NDST4: variants seen among roughly 807,000 people sequenced by gnomAD.
NDST4 encodes N-deacetylase and N-sulfotransferase 4, also known as N-heparan sulfate sulfotransferase 4.
NDST4 carries 63 observed loss-of-function variants against 100.8 expected under a neutral mutation model. The observed-to-expected ratio is 0.62, with a 90% confidence interval of 0.51 to 0.77. The LOEUF is 0.77. Ranked by LOEUF, NDST4 falls within the 30% of genes least tolerant of loss-of-function variation. The pLI is 0.00. For synonymous variants in NDST4, 377 were observed against 361.8 expected (o/e 1.04, Z -0.48); for missense variants, 943 against 1,018.4 (o/e 0.93, Z 1.01).
At position 115,069,985 on chromosome 4, in the gene NDST4, A is replaced by G. The variant is rs763922980; in HGVS notation, c.978+6074T>C. Among the ~76,000 whole-genome samples the G allele has an allele frequency of 7.9e-5, 12 of 152,224 alleles. 1 individual carries two copies. Among genetic ancestry groups the G allele is most frequent in the Non-Finnish European group, 1.6e-4 (11 of 68,036 alleles). ...TATACTATTGGTTGGAATGTAAATT[A>G]GTCCAACCACTGGGGAAGACAGTGT... On this transcript the variant is annotated intron_variant, in intron 2 of 13. Coordinates refer to ENST00000264363, the MANE Select transcript of NDST4 (RefSeq NM_022569.3).
chr4:115,050,223 T>C (rs1728555105), intron 2 of NDST4, among the ~76,000 whole-genome samples: 1 of 152,144 alleles, frequency 6.6e-6, no homozygotes, highest in Non-Finnish European at 1.5e-5. Context: ...GTCTGTACTA[T>C]CTCAATGCCC....
At chr4:114,844,211 C>T (rs1418959186) in intron 10 of NDST4, among the ~76,000 whole-genome samples, 1 of 152,196 alleles carries the variant, frequency 6.6e-6, no homozygotes, top group Non-Finnish European at 1.5e-5. Flanking sequence ...GCAATAGCTT[C>T]AAGTGTGATT....
chr4:114,996,223 A>C lies in NDST4; in HGVS notation c.979-18949T>G, dbSNP rs115029998. 7.9e-3 allele frequency among the ~76,000 whole-genome samples: 1,196 copies of C among 152,126 alleles called. 11 individuals are homozygous for C. Among genetic ancestry groups the C allele is most frequent in the African/African-American group, 0.025 (1,052 of 41,496 alleles). ...TATGCCGTTCTTGTGATAGTGAGTG[A>C]GTTCTCAGATCTGATGGTTTTATAA... On this transcript the variant is annotated intron_variant, in intron 2 of 13. Coordinates refer to ENST00000264363, the MANE Select transcript of NDST4 (RefSeq NM_022569.3).
intron 6 of NDST4, among the ~76,000 whole-genome samples, chr4:114,908,886 G>A (rs897231743): frequency 1.2e-4 from 19 of 152,010 alleles, no homozygotes; most frequent in South Asian, 4.2e-4. Context: ...AAAATAAACC[G>A]TAAATTGGAA....
intron 2 of NDST4, 92 bp from the exon 3 acceptor site, chr4:114,977,366 A>G (rs13115130): frequency 5.7e-6 from 4 of 698,126 alleles, no homozygotes; most frequent in Non-Finnish European, 7.3e-6. Context: ...TGAGTAAAAC[A>G]AAATGATATG....
At chr4:114,960,366 G>T (rs1269213137) in intron 4 of NDST4, among the ~76,000 whole-genome samples, 1 of 151,638 alleles carries the variant, frequency 6.6e-6, no homozygotes, top group Admixed American at 6.6e-5. Flanking sequence ...CCAGCACTTT[G>T]GGAGGCCAAC....
intron 1 of NDST4, among the ~76,000 whole-genome samples, chr4:115,099,593 C>A (rs116839242): frequency 1.3e-5 from 2 of 151,886 alleles, no homozygotes; most frequent in South Asian, 2.1e-4. Context: ...TGGGGAGTTG[C>A]GAATTAAAGT....
At chr4:114,909,584 C>T (rs1462620986) in intron 6 of NDST4, among the ~76,000 whole-genome samples, 8 of 146,216 alleles carry the variant, frequency 5.5e-5, no homozygotes, top group South Asian at 2.2e-4. Context: ...GGCGTGAACC[C>T]GGGAAGCGGA....
intron 4 of NDST4, among the ~76,000 whole-genome samples, chr4:114,943,159 C>A (rs74832362): frequency 2.0e-3 from 293 of 149,338 alleles, no homozygotes; most frequent in African/African-American, 6.7e-3. Flanking sequence ...ATGTATTTCC[C>A]ATAAAATTCA....
In NDST4 at chr4:114,839,569, G is replaced by A. The variant is rs751231061; in HGVS notation, c.2116-21C>T. On this transcript the variant is annotated intron_variant, in intron 10 of 13. Transcript: ENST00000264363. ...TGGTGCTTTAACAAGAAAGTCAATT[G>A]TAAAGTTAGATTTTTTTTAATGCCT... 20 of 1,610,608 alleles carry A rather than the reference G, an allele frequency of 1.2e-5. No homozygotes were observed. The Admixed American group carries it at 3.3e-4, about 27-fold the overall frequency.
intron 1 of NDST4, among the ~76,000 whole-genome samples, chr4:115,098,096 A>G (rs970132602): frequency 6.6e-6 from 1 of 152,196 alleles, no homozygotes; most frequent in African/African-American, 2.4e-5. Context: ...CACCATATAC[A>G]TAATATTACA....
intron 7 of NDST4, among the ~76,000 whole-genome samples, chr4:114,865,619 C>A (rs528216866): frequency 6.6e-6 from 1 of 152,122 alleles, no homozygotes; most frequent in African/African-American, 2.4e-5. Flanking sequence ...ATTAAATGCT[C>A]AAATATATTT....
At chr4:114,920,413 C>A (rs1578389275) in intron 6 of NDST4, among the ~76,000 whole-genome samples, 1 of 152,036 alleles carries the variant, frequency 6.6e-6, no homozygotes, top group Admixed American at 6.6e-5. Flanking sequence ...ATCTTTTATT[C>A]ACTTTTGATT....
chr4:115,106,138 G>C (rs1052007590), intron 1 of NDST4, among the ~76,000 whole-genome samples: 2 of 152,032 alleles, frequency 1.3e-5, no homozygotes, highest in Admixed American at 6.6e-5. Flanking sequence ...AAAAATATCT[G>C]GTTCACCATG....
At chr4:114,892,674 A>G (rs1408928057) in intron 6 of NDST4, among the ~76,000 whole-genome samples, 1 of 152,146 alleles carries the variant, frequency 6.6e-6, no homozygotes, top group African/African-American at 2.4e-5. Context: ...GGGCCCAAGA[A>G]GGAACTGTAT....
In NDST4 at chr4:115,090,909, C is replaced by A. The variant is rs116424420; in HGVS notation, c.-246-13627G>T. On this transcript the variant is annotated intron_variant, in intron 1 of 13. Coordinates refer to ENST00000264363, the MANE Select transcript of NDST4 (RefSeq NM_022569.3). ...CACACCAAATACATTTTAATCAATT[C>A]TCTTCTTCACATTGTAATGAACAGC... is the stretch of plus-strand genomic sequence containing the variant. Among the ~76,000 whole-genome samples the A allele has an allele frequency of 1.9e-3, 130 of 69,728 alleles. 1 individual carries two copies. The highest frequency in any genetic ancestry group is 8.1e-3 in the African/African-American group (86 of 10,652). The allele number at this position is 69,728 out of a possible 152,430, so 45.7% of individuals were successfully genotyped here. A position where few individuals can be genotyped will look rare whatever the true frequency, so the allele number is the denominator to read the frequency against.
At chr4:115,035,356 C>T (rs571983350) in intron 2 of NDST4, among the ~76,000 whole-genome samples, 9 of 151,996 alleles carry the variant, frequency 5.9e-5, no homozygotes, top group East Asian at 3.9e-4. Flanking sequence ...AGAAAACAAG[C>T]GCTATAAATT....
At chr4:115,070,234 T>C (rs549564881) in intron 2 of NDST4, among the ~76,000 whole-genome samples, 1 of 152,156 alleles carries the variant, frequency 6.6e-6, no homozygotes, top group Non-Finnish European at 1.5e-5. Context: ...TGGAATACTA[T>C]AACAAGAATG....
chr4:115,078,119 G>C (rs892569885), intron 1 of NDST4, among the ~76,000 whole-genome samples: 1 of 152,042 alleles, frequency 6.6e-6, no homozygotes, highest in African/African-American at 2.4e-5. Context: ...TTCTTGTATT[G>C]CTCTAAAAAA....
Sources: allele counts gnomAD v4.1 joint callset (sites outside exome capture counted in the v4.1 genomes callset), GRCh38; gene constraint gnomAD v4.1.1; transcripts MANE v1.5; gene names NCBI Gene and HGNC (gene_info 2026-07-23, HGNC 2026-07-21).